Variants in CA10 observed in about 807,000 individuals in gnomAD.
The protein encoded by CA10 is carbonic anhydrase 10 (inactive), also known as carbonic anhydrase-related protein 10.
CA10 carries 14 observed loss-of-function variants against 44.2 expected under a neutral mutation model. The observed-to-expected ratio is 0.32, with a 90% CI of 0.21 to 0.50. CA10 has a LOEUF of 0.50. Ranked by LOEUF, CA10 falls within the 20% of genes least tolerant of loss-of-function variation. The pLI is 0.99. For missense variants in CA10, 350 were observed against 409.7 expected (o/e 0.85, Z 1.26); for synonymous variants, 159 against 141.6 (o/e 1.12, Z -0.87).
intron 3 of CA10, among the ~76,000 whole-genome samples, chr17:51,821,020 AATTCCTCCCTCCCTCCCTCC>A (rs1907762788): frequency 2.8e-5 from 1 of 35,206 alleles, no homozygotes; most frequent in Non-Finnish European, 5.9e-5. Context: ...TCCCTCCCTT[AATTCCTCCCTCCCTCCCTCC>A]CTCCCTCCCT....
intron 4 of CA10, among the ~76,000 whole-genome samples, chr17:51,715,476 G>T (rs1159808886): frequency 2.0e-5 from 3 of 151,784 alleles, no homozygotes; most frequent in African/African-American, 7.3e-5. Context: ...ATATTTTTGG[G>T]CTACATGAGA....
At chr17:51,656,295 C>T (rs997320967) in intron 4 of CA10, among the ~76,000 whole-genome samples, 3 of 152,190 alleles carry the variant, frequency 2.0e-5, no homozygotes, top group Non-Finnish European at 4.4e-5. Context: ...AGGAAGAAGT[C>T]TCCTGGGCCA....
intron 4 of CA10, among the ~76,000 whole-genome samples, chr17:51,705,474 A>C (rs536186156): frequency 6.6e-6 from 1 of 152,232 alleles, no homozygotes; most frequent in African/African-American, 2.4e-5. Context: ...GCACTCCCTA[A>C]AACAGTGCTT....
chr17:51,766,315 C>G (rs1905379303), intron 3 of CA10, among the ~76,000 whole-genome samples: 2 of 152,164 alleles, frequency 1.3e-5, no homozygotes, highest in Non-Finnish European at 2.9e-5. Flanking sequence ...CCACAAGTCT[C>G]CATGTGAGAG....
chr17:51,668,988 G>T (rs1383671985), intron 4 of CA10, among the ~76,000 whole-genome samples: 1 of 152,218 alleles, frequency 6.6e-6, no homozygotes, highest in Non-Finnish European at 1.5e-5. Flanking sequence ...AATTCTCGCT[G>T]GGCCTCAGCC....
intron 1 of CA10, among the ~76,000 whole-genome samples, chr17:52,097,419 G>C (rs1419131728): frequency 6.6e-6 from 1 of 152,134 alleles, no homozygotes; most frequent in Admixed American, 6.5e-5. Context: ...TTATTAGACT[G>C]TTTGAATAAT....
intron 2 of CA10, among the ~76,000 whole-genome samples, chr17:52,066,089 C>A (rs1181120569): frequency 6.6e-6 from 1 of 152,152 alleles, no homozygotes; most frequent in African/African-American, 2.4e-5. Context: ...AACTTGATAT[C>A]TTTATAAATT....
chr17:51,947,224 CAAAAAAAAAA>C (rs1198796736), intron 2 of CA10, among the ~76,000 whole-genome samples: 2 of 52,116 alleles, frequency 3.8e-5, no homozygotes, highest in South Asian at 8.3e-4. Flanking sequence ...TCTTCATGTG[CAAAAAAAAAA>C]AAAAAAAAAA....
At chr17:51,654,342 CTTAATT>C (rs1913700656) in intron 4 of CA10, among the ~76,000 whole-genome samples, 1 of 152,110 alleles carries the variant, frequency 6.6e-6, no homozygotes, top group Admixed American at 6.5e-5. Context: ...TTTCCTGTTA[CTTAATT>C]TTTTTAAATT....
intron 3 of CA10, among the ~76,000 whole-genome samples, chr17:51,831,909 A>G (rs1263897): frequency 0.43 from 65,183 of 151,860 alleles, 14,707 homozygotes; most frequent in African/African-American, 0.56. Flanking sequence ...GAAGGGAGGG[A>G]AGGGGTTGCT....
intron 2 of CA10, among the ~76,000 whole-genome samples, chr17:51,960,317 G>T (rs997727287): frequency 4.6e-5 from 7 of 151,878 alleles, no homozygotes; most frequent in African/African-American, 1.7e-4. Flanking sequence ...AATCCCAGAG[G>T]GGGCAGGTAA....
At chr17:51,762,256 G>A (rs1047981754) in intron 3 of CA10, 17 of 152,420 alleles carry the variant, frequency 1.1e-4, no homozygotes, top group African/African-American at 4.1e-4. Flanking sequence ...AAGGAGGAGA[G>A]ATGATTTTTG....
chr17:51,772,616 C>T (rs765828265), intron 3 of CA10, among the ~76,000 whole-genome samples: 11 of 151,874 alleles, frequency 7.2e-5, no homozygotes, highest in Non-Finnish European at 1.5e-4. Flanking sequence ...GAGGGAAGGC[C>T]TACAATTGCC....
chr17:51,772,796 G>T (rs1028280123), intron 3 of CA10, among the ~76,000 whole-genome samples: 1 of 152,082 alleles, frequency 6.6e-6, no homozygotes. Flanking sequence ...CAAGTACCTT[G>T]TTGAAGTCAC....
At chr17:51,644,371 G>T (rs1229757200) in intron 6 of CA10, among the ~76,000 whole-genome samples, 1 of 152,190 alleles carries the variant, frequency 6.6e-6, no homozygotes, top group African/African-American at 2.4e-5. Flanking sequence ...GATATCTTTA[G>T]AAGTGATTTT....
At chr17:51,864,377 G>A (rs989295153) in intron 3 of CA10, among the ~76,000 whole-genome samples, 15 of 152,128 alleles carry the variant, frequency 9.9e-5, no homozygotes, top group Admixed American at 2.0e-4. Context: ...TAAAAGTCAA[G>A]ACAAGGCCAT....
At chr17:52,036,378 C>A (rs1268176331) in intron 2 of CA10, among the ~76,000 whole-genome samples, 1 of 152,078 alleles carries the variant, frequency 6.6e-6, no homozygotes. Context: ...ATGGTCCTTG[C>A]CTTCCAGAAG....
intron 3 of CA10, among the ~76,000 whole-genome samples, chr17:51,892,815 A>G (rs571101384): frequency 6.6e-6 from 1 of 152,272 alleles, no homozygotes; most frequent in African/African-American, 2.4e-5. Flanking sequence ...TGATGCAGTC[A>G]TTTTAGCACA....
rs144303927 is a variant in CA10 at position 51,687,536 on chromosome 17, G to A, written c.466-33800C>T. ...AATTCTATCAATGAAAGAAAGCAAG[G>A]CCCAGAGAAACTAGCTTAAGATTTT... is the stretch of plus-strand genomic sequence containing the variant. On this transcript the variant is annotated intron_variant, in intron 4 of 8. Coordinates refer to ENST00000451037, the MANE Select transcript of CA10 (RefSeq NM_020178.5). 6.4e-3 allele frequency among the ~76,000 whole-genome samples: 982 copies of A among 152,266 alleles called. 10 individuals carry two copies. The highest frequency in any genetic ancestry group is 0.022 in the African/African-American group (919 of 41,562).
Sources: gnomAD v4.1 joint callset for allele counts (sites outside exome capture counted in the v4.1 genomes callset) on GRCh38, gnomAD v4.1.1 for gene constraint, MANE v1.5 for transcripts, NCBI Gene and HGNC (gene_info 2026-07-23, HGNC 2026-07-21) for gene names.